Variants in SCAI observed in about 807,000 individuals in gnomAD.
The protein encoded by SCAI is protein SCAI.
SCAI carries 24 observed loss-of-function variants against 92.2 expected under a neutral mutation model. That is an observed-to-expected ratio of 0.26 (90% CI 0.19 to 0.37). The LOEUF is 0.37. SCAI is among the 10% of genes least tolerant of loss of function. The pLI is 1.00. For synonymous variants in SCAI, 261 were observed against 258.6 expected (o/e 1.01, Z -0.09); for missense variants, 450 against 736.2 (o/e 0.61, Z 4.50).
chr9:125,032,488 G>T (rs972891842), intron 3 of SCAI, among the ~76,000 whole-genome samples: 1 of 149,274 alleles, frequency 6.7e-6, no homozygotes, highest in Non-Finnish European at 1.5e-5. Flanking sequence ...CACCATGCCC[G>T]GCCTCTGGTT....
At chr9:124,981,992 T>A (rs1194279691) in intron 14 of SCAI, among the ~76,000 whole-genome samples, 1 of 152,220 alleles carries the variant, frequency 6.6e-6, no homozygotes, top group Non-Finnish European at 1.5e-5. Context: ...TAAACTCTTT[T>A]GATAGATGAT....
intron 2 of SCAI, among the ~76,000 whole-genome samples, chr9:125,100,366 A>G (rs1260166760): frequency 6.6e-6 from 1 of 152,218 alleles, no homozygotes; most frequent in African/African-American, 2.4e-5. Context: ...TGAATCCTCA[A>G]GACAAACCTA....
At chr9:125,088,646 A>G (rs1331982918) in intron 2 of SCAI, among the ~76,000 whole-genome samples, 1 of 152,040 alleles carries the variant, frequency 6.6e-6, no homozygotes, top group Admixed American at 6.6e-5. Flanking sequence ...CCCACCTAAT[A>G]TCTTAATTTT....
chr9:125,138,515 C>T (rs925009312), intron 2 of SCAI, among the ~76,000 whole-genome samples: 22 of 151,916 alleles, frequency 1.4e-4, no homozygotes, highest in Middle Eastern at 6.8e-3. Context: ...CCCGGGTTCA[C>T]GTCATTCTCC....
At chr9:125,086,086 A>G (rs556172867) in intron 2 of SCAI, among the ~76,000 whole-genome samples, 84 of 152,140 alleles carry the variant, frequency 5.5e-4, no homozygotes, top group Non-Finnish European at 1.0e-3. Context: ...GTCAGAAACA[A>G]TTTGTTTTTT....
At chr9:124,974,794 C>G (rs1394731865) in intron 15 of SCAI, among the ~76,000 whole-genome samples, 1 of 151,978 alleles carries the variant, frequency 6.6e-6, no homozygotes, top group Non-Finnish European at 1.5e-5. Context: ...TACTACATAC[C>G]CAGCATTATT....
intron 2 of SCAI, among the ~76,000 whole-genome samples, chr9:125,086,278 T>G (rs1170236414): frequency 2.6e-5 from 4 of 152,164 alleles, no homozygotes; most frequent in African/African-American, 9.7e-5. Flanking sequence ...CTCCAAAATA[T>G]GCACTAATCA....
At position 125,136,658 on chromosome 9, in the gene SCAI, G is replaced by A. The variant is rs1252656540; in HGVS notation, c.98+5975C>T. 6.6e-5 allele frequency among the ~76,000 whole-genome samples: 10 copies of A among 150,930 alleles called. No individual in the cohort carries two copies. In the South Asian group the frequency reaches 8.4e-4, roughly 13 times the overall value. ...GTACTTTTAGTAGAGACGGGGTTTC[G>A]CTACATTGGCCAGACTGGTCTCAAA... On this transcript the variant is annotated intron_variant, in intron 2 of 17. Transcript: ENST00000336505.
At chr9:125,057,491 TAG>T (rs1465292593) in intron 2 of SCAI, among the ~76,000 whole-genome samples, 2 of 152,182 alleles carry the variant, frequency 1.3e-5, no homozygotes, top group Admixed American at 1.3e-4. Context: ...ATCCCACAGC[TAG>T]AACCATTAAA....
intron 6 of SCAI, 53 bp from the exon 7 acceptor site, chr9:125,020,822 G>A (rs1010171664): frequency 2.9e-5 from 23 of 789,096 alleles, no homozygotes; most frequent in Non-Finnish European, 2.0e-6. Flanking sequence ...AATGCTTTTT[G>A]ATTTTTTTAA....
intron 17 of SCAI, among the ~76,000 whole-genome samples, chr9:124,954,570 C>T (rs1831285192): frequency 6.6e-6 from 1 of 152,158 alleles, no homozygotes; most frequent in Non-Finnish European, 1.5e-5. Context: ...TAGTGAGAGG[C>T]ACCTTGTATT....
At chr9:125,014,621 G>T (rs576662950) in intron 9 of SCAI, among the ~76,000 whole-genome samples, 4,058 of 152,256 alleles carry the variant, frequency 0.027, 201 homozygotes, top group African/African-American at 0.091. Context: ...GTAATTTATA[G>T]ATTCAATGCC....
At chr9:124,974,439 C>T (rs1277883446) in intron 15 of SCAI, among the ~76,000 whole-genome samples, 5 of 142,282 alleles carry the variant, frequency 3.5e-5, no homozygotes, top group Admixed American at 7.1e-5. Context: ...CAGAGTGAGA[C>T]CCCATCTCAA....
intron 2 of SCAI, among the ~76,000 whole-genome samples, chr9:125,073,520 AT>A (rs1834025185): frequency 6.6e-6 from 1 of 152,106 alleles, no homozygotes; most frequent in African/African-American, 2.4e-5. Context: ...AACACTTGTT[AT>A]TTTCTATTTA....
chr9:124,956,724 GACTA>G, intron 17 of SCAI, among the ~76,000 whole-genome samples: 1 of 152,124 alleles, frequency 6.6e-6, no homozygotes, highest in Non-Finnish European at 1.5e-5. Context: ...TATGGTTAAA[GACTA>G]ACATCTTTCC....
At chr9:124,978,761 T>C (rs1831812398) in intron 14 of SCAI, among the ~76,000 whole-genome samples, 1 of 152,050 alleles carries the variant, frequency 6.6e-6, no homozygotes, top group Non-Finnish European at 1.5e-5. Context: ...AAATACAGGA[T>C]TGGTACAATA....
intron 3 of SCAI, among the ~76,000 whole-genome samples, chr9:125,044,701 G>T (rs947496947): frequency 2.0e-5 from 3 of 152,162 alleles, no homozygotes; most frequent in African/African-American, 7.2e-5. Context: ...ATGCCCCCTT[G>T]CTCGCCACGT....
chr9:124,980,512 T>C (rs775194558), intron 14 of SCAI, among the ~76,000 whole-genome samples: 3 of 152,220 alleles, frequency 2.0e-5, no homozygotes, highest in Non-Finnish European at 2.9e-5. Context: ...TGGTTTATAC[T>C]GAACACCTGC....
intron 2 of SCAI, among the ~76,000 whole-genome samples, chr9:125,100,295 C>T (rs1834651949): frequency 6.6e-6 from 1 of 152,202 alleles, no homozygotes; most frequent in Non-Finnish European, 1.5e-5. Context: ...AAAGCAATCA[C>T]TTATTGACTG....
Sources: allele counts gnomAD v4.1 joint callset (sites outside exome capture counted in the v4.1 genomes callset), GRCh38; gene constraint gnomAD v4.1.1; transcripts MANE v1.5; gene names NCBI Gene and HGNC (gene_info 2026-07-23, HGNC 2026-07-21).